The following ANXA10 variants were observed in gnomAD, a reference collection of about 807,000 sequenced individuals.
The protein encoded by ANXA10 is annexin A10, also known as annexin 14.
ANXA10 carries 49 observed loss-of-function variants against 53.5 expected under a neutral mutation model. The ratio of observed to expected loss-of-function variants is 0.92; its 90% CI spans 0.73 to 1.16. The LOEUF is 1.16. Among genes scored for constraint, ANXA10 ranks in the 50% most tolerant of loss-of-function variants. ANXA10 has a pLI of 0.00. For synonymous variants in ANXA10, 131 were observed against 128.9 expected, an observed-to-expected ratio of 1.02 and a Z score of -0.11; for missense variants, 393 against 394.4, an observed-to-expected ratio of 1.00 and a Z score of 0.03.
chr4:168,135,151 GT>G (rs1731216309), intron 2 of ANXA10, among the ~76,000 whole-genome samples: 2 of 152,234 alleles, frequency 1.3e-5, no homozygotes, highest in Admixed American at 1.3e-4. Flanking sequence ...AGGCAAGAGA[GT>G]TTTTAAGCAG....
chr4:168,160,636 C>T (rs775366801), intron 3 of ANXA10, among the ~76,000 whole-genome samples: 14 of 152,084 alleles, frequency 9.2e-5, no homozygotes, highest in African/African-American at 3.1e-4. Flanking sequence ...TGAGGAATCA[C>T]CACACTGTCT....
intron 6 of ANXA10, among the ~76,000 whole-genome samples, chr4:168,170,369 C>G (rs1194909340): frequency 1.3e-5 from 2 of 152,072 alleles, no homozygotes; most frequent in African/African-American, 4.8e-5. Flanking sequence ...TTTATTGCTT[C>G]CACACACAAC....
Position 168,140,968 on chromosome 4 carries a change from A to G in ANXA10, c.195+1388A>G, listed in dbSNP as rs181643681. On this transcript the variant is annotated intron_variant, in intron 3 of 11. Transcript: ENST00000359299. ...TTTTTTTTAACCCAAAGGTTTACAT[A>G]CATTTTTGCTTTTTACAAATCAGGT... Among the ~76,000 whole-genome samples the G allele has an allele frequency of 2.4e-4, 37 of 152,296 alleles. No homozygotes were observed. In the East Asian group the frequency reaches 5.6e-3, roughly 23 times the overall value.
In ANXA10 at chr4:168,182,382, G is replaced by A. The variant is rs534234401; in HGVS notation, c.783+641G>A. ...GTCTTGCTCTGCTGCCCAGGCTGGAGTGCAGTGGCGCGATCTCGGCTCACT... is the reference window on the plus strand; with the variant it reads ...GTCTTGCTCTGCTGCCCAGGCTGGAATGCAGTGGCGCGATCTCGGCTCACT... On this transcript the variant is annotated intron_variant, in intron 10 of 11. Coordinates refer to ENST00000359299, the MANE Select transcript of ANXA10 (RefSeq NM_007193.5). 6.3e-3 allele frequency among the ~76,000 whole-genome samples: 776 copies of A among 122,688 alleles called. 14 individuals carry two copies. The highest frequency in any genetic ancestry group is 0.024 in the African/African-American group (739 of 30,758). The allele number at this position is 122,688 out of a possible 152,430, so 80.5% of individuals were successfully genotyped here. A position where few individuals can be genotyped will look rare whatever the true frequency, so the allele number is the denominator to read the frequency against.
intron 1 of ANXA10, 125 bp downstream of exon 1, chr4:168,092,843 C>A: frequency 1.2e-6 from 1 of 808,188 alleles, no homozygotes; most frequent in Non-Finnish European, 1.8e-6. Flanking sequence ...ATTCTTACTA[C>A]TTTCTTACTA....
chr4:168,161,607 A>T (rs1473538146), intron 3 of ANXA10, among the ~76,000 whole-genome samples: 1 of 152,038 alleles, frequency 6.6e-6, no homozygotes, highest in African/African-American at 2.4e-5. Context: ...AAGAACATTA[A>T]TGGGAGTTTA....
chr4:168,173,695 A>G (rs1313950880), intron 6 of ANXA10, among the ~76,000 whole-genome samples: 1 of 152,124 alleles, frequency 6.6e-6, no homozygotes, highest in African/African-American at 2.4e-5. Context: ...CTTCACACCA[A>G]AGACAGTTTA....
Position 168,165,132 on chromosome 4 carries a change from G to A in ANXA10, c.401-115G>A, listed in dbSNP as rs557783590. 2.4e-5 allele frequency: 12 copies of A among 504,188 alleles called. No homozygotes were observed. The East Asian group carries it at 4.0e-4, about 17-fold the overall frequency. 31.2% of individuals were successfully genotyped at this position (504,188 alleles called of 1,614,324 possible). On this transcript the variant is annotated intron_variant, in intron 5 of 11. Transcript: ENST00000359299. ...TATTGACAAAGAAATGTCAACAGGTGGACTACATTTCCTGGACTTTGTACT... is the reference window on the plus strand; with the variant it reads ...TATTGACAAAGAAATGTCAACAGGTAGACTACATTTCCTGGACTTTGTACT...
chr4:168,127,694 T>C, intron 1 of ANXA10: 2 of 424,316 alleles, frequency 4.7e-6, no homozygotes, highest in South Asian at 1.8e-5. Context: ...AACCAAATTT[T>C]CTCTCTGCAA....
chr4:168,143,200 G>A (rs961325835), intron 3 of ANXA10, among the ~76,000 whole-genome samples: 5 of 152,034 alleles, frequency 3.3e-5, no homozygotes, highest in Admixed American at 6.6e-5. Context: ...ATCTACCACC[G>A]CTCACATTTA....
intron 1 of ANXA10, among the ~76,000 whole-genome samples, chr4:168,101,612 G>T (rs751120127): frequency 6.6e-6 from 1 of 151,574 alleles, no homozygotes; most frequent in Non-Finnish European, 1.5e-5. Flanking sequence ...TCTCCAAAAC[G>T]CCCTGATTCC....
At chr4:168,160,181 A>G (rs970580495) in intron 3 of ANXA10, among the ~76,000 whole-genome samples, 1 of 152,062 alleles carries the variant, frequency 6.6e-6, no homozygotes, top group Non-Finnish European at 1.5e-5. Flanking sequence ...CCCATTATCC[A>G]TTAGCTATTC....
intron 9 of ANXA10, among the ~76,000 whole-genome samples, chr4:168,180,147 T>C (rs74424631): frequency 0.029 from 4,472 of 152,238 alleles, 210 homozygotes; most frequent in African/African-American, 0.099. Flanking sequence ...AGTCTCAAGC[T>C]AGGCTTCCAT....
chr4:168,122,496 T>C (rs989458692), intron 1 of ANXA10, among the ~76,000 whole-genome samples: 3 of 152,208 alleles, frequency 2.0e-5, no homozygotes, highest in Non-Finnish European at 2.9e-5. Context: ...TATCATATTG[T>C]ATTAGGCCGT....
chr4:168,135,478 G>A (rs1382687284), intron 2 of ANXA10, among the ~76,000 whole-genome samples: 1 of 152,178 alleles, frequency 6.6e-6, no homozygotes, highest in Non-Finnish European at 1.5e-5. Flanking sequence ...ATAAAAGGGA[G>A]GTTAGGAGCC....
At chr4:168,102,964 C>T (rs1450954197) in intron 1 of ANXA10, among the ~76,000 whole-genome samples, 2 of 152,036 alleles carry the variant, frequency 1.3e-5, no homozygotes, top group African/African-American at 2.4e-5. Flanking sequence ...TCTTCATGTG[C>T]TCATTTACTA....
At chr4:168,170,861 G>T (rs72987487) in intron 6 of ANXA10, among the ~76,000 whole-genome samples, 3,885 of 152,092 alleles carry the variant, frequency 0.026, 151 homozygotes, top group African/African-American at 0.088. Flanking sequence ...GAAAATGGAG[G>T]TACCAAACTA....
intron 2 of ANXA10, among the ~76,000 whole-genome samples, chr4:168,130,081 A>AT (rs1171897233): frequency 6.6e-6 from 1 of 152,178 alleles, no homozygotes; most frequent in Non-Finnish European, 1.5e-5. Context: ...CTTTCTGATC[A>AT]TTAAGTATGA....
chr4:168,181,390 C>CAA (rs556987548), intron 9 of ANXA10, among the ~76,000 whole-genome samples: 13,418 of 93,198 alleles, frequency 0.14, 1,148 homozygotes, highest in African/African-American at 0.24. Flanking sequence ...GACTCCGTCT[C>CAA]AAAAAAAAAA....
Sources: allele counts gnomAD v4.1 joint callset (sites outside exome capture counted in the v4.1 genomes callset), GRCh38; gene constraint gnomAD v4.1.1; transcripts MANE v1.5; gene names NCBI Gene and HGNC (gene_info 2026-07-23, HGNC 2026-07-21).